ECEL1: variants seen among roughly 807,000 people sequenced by gnomAD.
ECEL1 encodes endothelin converting enzyme like 1, also known as endothelin-converting enzyme-like 1.
In ECEL1, 87 loss-of-function variants were observed where a neutral mutation model predicts 101.8. The ratio of observed to expected loss-of-function variants is 0.85; its 90% confidence interval spans 0.72 to 1.02. The LOEUF is 1.02. Among genes scored for constraint, ECEL1 ranks in the 50% least tolerant of loss-of-function variants. The pLI is 0.00. For missense variants in ECEL1, 1,032 were observed against 1,079.2 expected (o/e 0.96, Z 0.61); for synonymous variants, 487 against 468.7 (o/e 1.04, Z -0.50).
chr2:232,481,517 A>G lies in ECEL1; in HGVS notation c.1978T>C (p.Tyr660His), dbSNP rs1414091887. Reference protein sequence around the residue: ...IVRLYDNFTVYNQRVNGKHTL... With the variant: ...IVRLYDNFTVHNQRVNGKHTL... The stretch of plus-strand genomic sequence containing the variant: ...GGTGGGGGTCTCACCCGCTGGTTGT[A>G]GACAGTGAAGTTGTCATAGAGACGG... The change falls in exon 14 of 18, where the codon TAC becomes CAC. Residue 660 changes from tyrosine (Y) to histidine (H), a missense_variant. By Grantham distance (83) the Tyr-to-His change is moderately conservative. Coordinates refer to ENST00000304546, the MANE Select transcript of ECEL1 (RefSeq NM_004826.4). The G allele has an allele frequency of 6.2e-7, 1 of 1,611,402 alleles. No homozygotes were observed. Among genetic ancestry groups the G allele is most frequent in the African/African-American group, 1.3e-5 (1 of 74,880 alleles).
chr2:232,482,505 A>G, intron 11 of ECEL1, 36 bp from the exon 12 acceptor site: 1 of 1,614,004 alleles, frequency 6.2e-7, no homozygotes, highest in East Asian at 2.2e-5. Flanking sequence ...AAACCCATCC[A>G]CTTTCGGACC....
Position 232,486,421 on chromosome 2 carries a change from G to A in ECEL1, c.233C>T (p.Ala78Val), listed in dbSNP as rs1017091816. The A allele has an allele frequency of 2.0e-6, 3 of 1,464,018 alleles. No individual in the cohort carries two copies. Among genetic ancestry groups the A allele is most frequent in the Non-Finnish European group, 2.7e-6 (3 of 1,120,562 alleles). The allele number at this position is 1,464,018 out of a possible 1,614,324, so 90.7% of individuals were successfully genotyped here. Residue 78 changes from alanine to valine, a missense_variant, in exon 2 of 18, where the codon GCT becomes GTT. Ala to Val is a moderately conservative substitution (Grantham distance 64). Coordinates refer to ENST00000304546, the MANE Select transcript of ECEL1 (RefSeq NM_004826.4). ...FAAGLCAILAAMLALKYLGPV... is the reference protein window; with the variant it reads ...FAAGLCAILAVMLALKYLGPV... ...GCCCAGGTACTTGAGGGCCAGCATA[G>A]CCGCCAGAATGGCGCAGAGGCCGGC...
intron 2 of ECEL1, 57 bp downstream of exon 2, chr2:232,485,811 A>G: frequency 6.5e-7 from 1 of 1,530,178 alleles, no homozygotes; most frequent in Non-Finnish European, 8.8e-7. Flanking sequence ...CCCCTGGGCA[A>G]GGCCACTGCG....
intron 15 of ECEL1, 21 bp from the exon 16 acceptor site, chr2:232,480,834 G>A: frequency 1.2e-6 from 2 of 1,604,064 alleles, no homozygotes; most frequent in Non-Finnish European, 1.7e-6. Flanking sequence ...AGAGAGCATG[G>A]ACCTGCTATG....
At position 232,485,270 on chromosome 2, in the gene ECEL1, G is replaced by T. The variant is rs1559276486; in HGVS notation, c.787-3C>A. On this transcript the variant is annotated splice_region_variant and splice_polypyrimidine_tract_variant and intron_variant, in intron 2 of 17. Coordinates refer to ENST00000304546, the MANE Select transcript of ECEL1 (RefSeq NM_004826.4). Reference sequence around the variant, plus strand: ...AGGGTGAGCCCATCCTGGTCAATCTGGGGAGGGAGACAGGGGCCACAGGTC... The same window carrying T: ...AGGGTGAGCCCATCCTGGTCAATCTTGGGAGGGAGACAGGGGCCACAGGTC... 1 of 1,613,102 alleles carries T rather than the reference G, an allele frequency of 6.2e-7. No homozygotes were observed.
chr2:232,480,365 G>A (rs1260711205), intron 17 of ECEL1, 34 bp downstream of exon 17: 2 of 1,612,612 alleles, frequency 1.2e-6, no homozygotes, highest in African/African-American at 1.3e-5. Flanking sequence ...CAAACACAAG[G>A]AGTGGACAAG....
At chr2:232,483,204 T>C (rs1690629624) in intron 8 of ECEL1, 25 bp from the exon 9 acceptor site, 1 of 1,589,468 alleles carries the variant, frequency 6.3e-7, no homozygotes. Context: ...CAGGTGAAGG[T>C]GGCACCAGGC....
intron 8 of ECEL1, 53 bp from the exon 9 acceptor site, chr2:232,483,232 C>G: frequency 6.4e-7 from 1 of 1,559,324 alleles, no homozygotes. Context: ...GACAGCCCCC[C>G]GCCCCCCACC....
At chr2:232,480,848 GC>G (rs753239189) in intron 15 of ECEL1, 35 bp from the exon 16 acceptor site, 5 of 1,575,024 alleles carry the variant, frequency 3.2e-6, no homozygotes, top group Non-Finnish European at 4.3e-6. Context: ...TGCTATGCCC[GC>G]CCACCCTGGG....
At position 232,486,132 on chromosome 2, in the gene ECEL1, G is replaced by A; in HGVS notation, c.522C>T (p.Gly174=). 6.4e-7 allele frequency: 1 copy of A among 1,562,676 alleles called. No homozygotes were observed. Among genetic ancestry groups the A allele is most frequent in the South Asian group, 1.2e-5 (1 of 85,554 alleles). The change falls in exon 2 of 18, where the codon GGC becomes GGT. Residue 174 remains glycine (G), a synonymous_variant. Transcript: ENST00000304546. ...LLARPGGGPG[G]AAQRKVRAFF... is the part of the protein sequence containing the mutation. ...AGGCGCGCACCTTGCGCTGGGCCGCGCCGCCAGGCCCACCCCCGGGCCGCG... is the reference window on the plus strand; with the variant it reads ...AGGCGCGCACCTTGCGCTGGGCCGCACCGCCAGGCCCACCCCCGGGCCGCG...
chr2:232,482,707 G>T (rs1294745364), intron 10 of ECEL1, 99 bp from the exon 11 acceptor site: 2 of 1,520,508 alleles, frequency 1.3e-6, no homozygotes, highest in Non-Finnish European at 1.8e-6. Flanking sequence ...CAGTCTGGGG[G>T]TCACCCTGCC....
intron 10 of ECEL1, 26 bp downstream of exon 10, chr2:232,482,824 AC>A (rs1182448521): frequency 6.2e-7 from 1 of 1,610,448 alleles, no homozygotes; most frequent in South Asian, 1.1e-5. Context: ...CCCTTCCCTG[AC>A]CCCCAGCTCT....
intron 10 of ECEL1, 111 bp from the exon 11 acceptor site, chr2:232,482,719 G>T: frequency 6.7e-7 from 1 of 1,493,226 alleles, no homozygotes; most frequent in Non-Finnish European, 9.2e-7. Flanking sequence ...CACCCTGCCG[G>T]CCCCCACCCC....
In ECEL1 at chr2:232,486,039, G is replaced by A. The variant is rs1690714411; in HGVS notation, c.615C>T (p.Ile205=). The change falls in exon 2 of 18, where the codon ATC becomes ATT. Residue 205 remains isoleucine, a synonymous_variant. Coordinates refer to ENST00000304546, the MANE Select transcript of ECEL1 (RefSeq NM_004826.4). ...RLGPRPMLEV[I]EDCGGWDLGG... is the part of the protein sequence containing the mutation. ...CCAGGTCCCAGCCCCCGCAGTCCTC[G>A]ATGACCTCTAGCATGGGTCGCGGGC... The A allele has an allele frequency of 6.2e-7, 1 of 1,609,130 alleles. No homozygotes were observed. Among genetic ancestry groups the A allele is most frequent in the Non-Finnish European group, 8.5e-7 (1 of 1,178,684 alleles).
intron 2 of ECEL1, among the ~76,000 whole-genome samples, chr2:232,485,611 T>A (rs1193977188): frequency 6.6e-6 from 1 of 152,216 alleles, no homozygotes; most frequent in East Asian, 1.9e-4. Context: ...CTCTCCCTCC[T>A]GGCCCTCACT....
intron 17 of ECEL1, 59 bp downstream of exon 17, chr2:232,480,340 C>T (rs1436036738): frequency 1.9e-6 from 3 of 1,612,246 alleles, no homozygotes; most frequent in South Asian, 2.2e-5. Flanking sequence ...CTTCCCATGC[C>T]CCCTGATCCC....
chr2:232,480,134 T>G lies in ECEL1; in HGVS notation c.*19A>C. 6.2e-7 allele frequency: 1 copy of G among 1,611,424 alleles called. No homozygotes were observed. The highest frequency in any genetic ancestry group is 8.5e-7 in the Non-Finnish European group (1 of 1,178,570). On this transcript the variant is annotated 3_prime_UTR_variant, in exon 18 of 18. Coordinates refer to ENST00000304546, the MANE Select transcript of ECEL1 (RefSeq NM_004826.4). ...GATTCGTGCGGGGGCAGTGGGGGCG[T>G]GCAGGCGGGCAGCCAGGCTCACCAC...
At chr2:232,485,327 G>A in intron 2 of ECEL1, 60 bp from the exon 3 acceptor site, 1 of 1,582,100 alleles carries the variant, frequency 6.3e-7, no homozygotes, top group South Asian at 1.1e-5. Flanking sequence ...CCTAAACAGA[G>A]GGAATTCCCA....
In ECEL1 at chr2:232,484,864, C is replaced by A. The variant is rs774508401; in HGVS notation, c.996G>T (p.Arg332=). 1.2e-6 allele frequency: 2 copies of A among 1,613,914 alleles called. No homozygotes were observed. The highest frequency in any genetic ancestry group is 1.7e-6 in the Non-Finnish European group (2 of 1,179,984). ...TGTTGTACATGGAGCTGACATCTCGCCGTAGGTCGTCATGCTCTGACACAG... is the reference window on the plus strand; with the variant it reads ...TGTTGTACATGGAGCTGACATCTCGACGTAGGTCGTCATGCTCTGACACAG... ...NITVSEHDDL[R]RDVSSMYNKV... is the part of the protein sequence containing the mutation. The change falls in exon 5 of 18, where the codon CGG becomes CGT. Residue 332 remains arginine, a synonymous_variant. Coordinates refer to ENST00000304546, the MANE Select transcript of ECEL1 (RefSeq NM_004826.4).
Sources: gnomAD v4.1 joint callset for allele counts (sites outside exome capture counted in the v4.1 genomes callset) on GRCh38, gnomAD v4.1.1 for gene constraint, MANE v1.5 for transcripts, NCBI Gene and HGNC (gene_info 2026-07-23, HGNC 2026-07-21) for gene names.